The following PLSCR2 variants were observed in gnomAD, a reference collection of about 807,000 sequenced individuals.
PLSCR2 encodes the protein phospholipid scramblase 2, also known as PL scramblase 2.
In PLSCR2, 18 loss-of-function variants were observed where a neutral mutation model predicts 25.3. That is an observed-to-expected ratio of 0.71 (90% CI 0.49 to 1.06). The LOEUF (loss-of-function observed/expected upper bound fraction) is 1.06. Ranked by LOEUF, PLSCR2 falls within the 50% of genes least tolerant of loss-of-function variation. The pLI, the probability that PLSCR2 is intolerant of heterozygous loss-of-function variation, is 0.00. For synonymous variants in PLSCR2, 88 were observed against 87.3 expected, an observed-to-expected ratio of 1.01 and a Z score of -0.04; for missense variants, 243 against 269.5, an observed-to-expected ratio of 0.90 and a Z score of 0.69.
At chr3:146,463,958 G>T, upstream of PLSCR2, 1 of 983,694 alleles carries the variant, frequency 1.0e-6, no homozygotes, top group Non-Finnish European at 1.2e-6. Context: ...AAGAAGTTCA[G>T]CAAAGGTTGA....
chr3:146,441,907 C>T, intron 6 of PLSCR2, 86 bp from the exon 7 acceptor site: 2 of 802,220 alleles, frequency 2.5e-6, no homozygotes, highest in Non-Finnish European at 4.1e-6. Context: ...TGATGAAACA[C>T]AGTTAATTGT....
intron 2 of PLSCR2, among the ~76,000 whole-genome samples, chr3:146,426,656 T>C (rs1456558051): frequency 1.3e-5 from 2 of 152,184 alleles, no homozygotes; most frequent in African/African-American, 4.8e-5. Flanking sequence ...GCAAAACATA[T>C]TCATTAATAT....
At chr3:146,480,261 A>T (rs944685538) in intron 1 of PLSCR2, among the ~76,000 whole-genome samples, 11 of 152,180 alleles carry the variant, frequency 7.2e-5, no homozygotes, top group Admixed American at 7.2e-4. Context: ...GGAGATAGAG[A>T]CACAAAAAAC....
intron 1 of PLSCR2, among the ~76,000 whole-genome samples, chr3:146,479,888 C>A (rs1226413249): frequency 6.6e-6 from 1 of 152,198 alleles, no homozygotes; most frequent in East Asian, 1.9e-4. Flanking sequence ...CCAACTGTCT[C>A]TCAGACCACA....
At chr3:146,491,027 T>C (rs755285097) in intron 1 of PLSCR2, among the ~76,000 whole-genome samples, 1 of 152,164 alleles carries the variant, frequency 6.6e-6, no homozygotes, top group Non-Finnish European at 1.5e-5. Context: ...AAAGACTTCT[T>C]GTAAGGCAGG....
intron 1 of PLSCR2, among the ~76,000 whole-genome samples, chr3:146,466,318 A>T (rs2041865720): frequency 6.6e-6 from 1 of 152,136 alleles, no homozygotes; most frequent in Non-Finnish European, 1.5e-5. Flanking sequence ...TTACAGGCAT[A>T]TGCCCCCACA....
chr3:146,471,764 C>G (rs968378543), intron 1 of PLSCR2, among the ~76,000 whole-genome samples: 25 of 151,806 alleles, frequency 1.6e-4, no homozygotes, highest in African/African-American at 6.1e-4. Context: ...ATGGGGTTTC[C>G]CCATGTTGGC....
intron 1 of PLSCR2, among the ~76,000 whole-genome samples, chr3:146,472,351 G>T (rs79654035): frequency 9.9e-4 from 150 of 152,116 alleles, no homozygotes; most frequent in South Asian, 2.5e-3. Flanking sequence ...TATTAAAATT[G>T]AGAAAGTATC....
intron 2 of PLSCR2, among the ~76,000 whole-genome samples, chr3:146,411,259 A>G (rs2038839259): frequency 6.6e-6 from 1 of 152,084 alleles, no homozygotes; most frequent in Non-Finnish European, 1.5e-5. Flanking sequence ...CACCCAAACC[A>G]AAACACAAAG....
chr3:146,492,747 AAAG>A (rs2043596225), intron 1 of PLSCR2, among the ~76,000 whole-genome samples: 1 of 152,182 alleles, frequency 6.6e-6, no homozygotes, highest in South Asian at 2.1e-4. Flanking sequence ...TTTTAAAAAA[AAAG>A]AAGAGGAAAC....
intron 1 of PLSCR2, among the ~76,000 whole-genome samples, chr3:146,471,356 G>A (rs1214550645): frequency 1.1e-4 from 17 of 152,082 alleles, no homozygotes; most frequent in Admixed American, 1.0e-3. Flanking sequence ...TGAATGGCAA[G>A]CATTATCTTA....
intron 1 of PLSCR2, among the ~76,000 whole-genome samples, chr3:146,475,187 G>A (rs1228042413): frequency 6.6e-6 from 1 of 152,054 alleles, no homozygotes; most frequent in Non-Finnish European, 1.5e-5. Context: ...CCTTGACGGA[G>A]AGATGTTGCA....
At chr3:146,493,605 A>G (rs1482803273) in intron 1 of PLSCR2, among the ~76,000 whole-genome samples, 2 of 152,128 alleles carry the variant, frequency 1.3e-5, no homozygotes, top group African/African-American at 4.8e-5. Flanking sequence ...AAAACACTCA[A>G]CAGCTAGGCA....
intron 1 of PLSCR2, among the ~76,000 whole-genome samples, chr3:146,480,077 A>G (rs2043075471): frequency 6.6e-6 from 1 of 152,232 alleles, no homozygotes; most frequent in Admixed American, 6.5e-5. Context: ...TCTGGGACAC[A>G]TTCAAAGCCG....
intron 1 of PLSCR2, among the ~76,000 whole-genome samples, chr3:146,475,727 A>G (rs971389640): frequency 6.6e-6 from 1 of 152,186 alleles, no homozygotes; most frequent in African/African-American, 2.4e-5. Flanking sequence ...CCTTTTCCAA[A>G]AGGTCCTTTT....
chr3:146,409,293 T>C (rs2038765260), intron 2 of PLSCR2, among the ~76,000 whole-genome samples: 1 of 151,890 alleles, frequency 6.6e-6, no homozygotes, highest in South Asian at 2.1e-4. Context: ...CGAGGAGACA[T>C]GGGGTGACCC....
chr3:146,400,835 T>C (rs2038446687), intron 2 of PLSCR2, among the ~76,000 whole-genome samples: 1 of 151,826 alleles, frequency 6.6e-6, no homozygotes, highest in Non-Finnish European at 1.5e-5. Context: ...TGGAAGAGAG[T>C]AGACTCTAGA....
chr3:146,462,968 A>C (rs1327195939), upstream of PLSCR2, among the ~76,000 whole-genome samples: 1 of 152,194 alleles, frequency 6.6e-6, no homozygotes, highest in Admixed American at 6.5e-5. Context: ...AGAGCAAGAA[A>C]GGTTAATTAT....
chr3:146,491,957 G>A (rs1369910304), intron 1 of PLSCR2, among the ~76,000 whole-genome samples: 1 of 152,138 alleles, frequency 6.6e-6, no homozygotes, highest in African/African-American at 2.4e-5. Flanking sequence ...CATCTGTGTG[G>A]ACTGGTGTTC....
Sources: gnomAD v4.1 joint callset for allele counts (sites outside exome capture counted in the v4.1 genomes callset) on GRCh38, gnomAD v4.1.1 for gene constraint, MANE v1.5 for transcripts, NCBI Gene and HGNC (gene_info 2026-07-23, HGNC 2026-07-21) for gene names.